Variants in CATSPERE observed in about 807,000 individuals in gnomAD.
The protein encoded by CATSPERE is cation channel sperm-associated auxiliary subunit epsilon.
CATSPERE carries 93 observed loss-of-function variants against 114.1 expected under a neutral mutation model. The observed-to-expected ratio is 0.81, with a 90% CI of 0.69 to 0.97. The LOEUF (loss-of-function observed/expected upper bound fraction) is 0.97. CATSPERE is among the 50% of genes least tolerant of loss of function. The probability of loss-of-function intolerance (pLI) is 0.00; values close to 1 mark genes in which losing one functional copy is unlikely to be tolerated. For synonymous variants in CATSPERE, 341 were observed against 384.1 expected (o/e 0.89, Z 1.31); for missense variants, 1,058 against 1,131.6 (o/e 0.93, Z 0.93).
At chr1:244,546,933 C>CTT (rs35371937) in intron 8 of CATSPERE, among the ~76,000 whole-genome samples, 132,094 of 151,916 alleles carry the variant, frequency 0.87, 58,413 homozygotes, top group East Asian at 1. Context: ...AAATAGGAAA[C>CTT]TTTTGAAACC....
chr1:244,463,796 G>A (rs1446661203), intron 1 of CATSPERE, 112 bp from the exon 2 acceptor site: 3 of 905,404 alleles, frequency 3.3e-6, no homozygotes, highest in Non-Finnish European at 5.4e-6. Flanking sequence ...AAGGGAATGA[G>A]GCAGAAAGGT....
intron 9 of CATSPERE, among the ~76,000 whole-genome samples, chr1:244,559,001 A>G (rs1167432730): frequency 6.6e-6 from 1 of 152,106 alleles, no homozygotes; most frequent in African/African-American, 2.4e-5. Flanking sequence ...ACTACCTTAC[A>G]TTTTGAAGAG....
At chr1:244,616,057 C>T (rs777754216) in intron 19 of CATSPERE, among the ~76,000 whole-genome samples, 7 of 151,804 alleles carry the variant, frequency 4.6e-5, no homozygotes, top group Admixed American at 3.9e-4. Context: ...TCAGCCTGGG[C>T]GATCGAAGCT....
intron 20 of CATSPERE, among the ~76,000 whole-genome samples, chr1:244,632,587 A>G (rs970121436): frequency 1.3e-5 from 2 of 151,962 alleles, no homozygotes; most frequent in East Asian, 1.9e-4. Context: ...ATGGTATACT[A>G]TTTGCCAGAA....
At chr1:244,496,196 G>A (rs1412551332) in intron 6 of CATSPERE, among the ~76,000 whole-genome samples, 1 of 152,102 alleles carries the variant, frequency 6.6e-6, no homozygotes, top group Non-Finnish European at 1.5e-5. Context: ...GATAGTAAAG[G>A]ACACAAAACA....
intron 10 of CATSPERE, among the ~76,000 whole-genome samples, chr1:244,569,265 AC>A (rs1333157648): frequency 6.6e-6 from 1 of 152,208 alleles, no homozygotes; most frequent in Non-Finnish European, 1.5e-5. Context: ...CGTGGGCTGC[AC>A]CCACTGTCTA....
intron 8 of CATSPERE, among the ~76,000 whole-genome samples, chr1:244,545,666 A>T (rs1659638369): frequency 6.6e-6 from 1 of 152,208 alleles, no homozygotes; most frequent in Non-Finnish European, 1.5e-5. Flanking sequence ...ATGCTTGATC[A>T]TGGGCCAACA....
intron 8 of CATSPERE, among the ~76,000 whole-genome samples, chr1:244,535,164 C>T (rs1215822108): frequency 6.6e-6 from 1 of 152,214 alleles, no homozygotes; most frequent in African/African-American, 2.4e-5. Flanking sequence ...GGAGGGGTGA[C>T]ACAGCGCCCC....
intron 1 of CATSPERE, among the ~76,000 whole-genome samples, chr1:244,462,855 G>GA (rs1274536593): frequency 5.9e-5 from 9 of 152,066 alleles, no homozygotes; most frequent in African/African-American, 2.2e-4. Flanking sequence ...TCTACATACA[G>GA]AAAAAAGGCC....
intron 1 of CATSPERE, among the ~76,000 whole-genome samples, chr1:244,462,738 CATT>C (rs1423404396): frequency 6.6e-6 from 1 of 151,840 alleles, no homozygotes; most frequent in African/African-American, 2.4e-5. Context: ...AAATGTGTTT[CATT>C]ATAAAGGTGA....
chr1:244,526,683 C>CT (rs1469405668), intron 8 of CATSPERE, among the ~76,000 whole-genome samples: 5 of 147,060 alleles, frequency 3.4e-5, no homozygotes, highest in African/African-American at 1.3e-4. Flanking sequence ...GGTTCTCACT[C>CT]TGTCACCCAG....
intron 2 of CATSPERE, among the ~76,000 whole-genome samples, chr1:244,475,265 A>T (rs1440870459): frequency 9.8e-5 from 14 of 142,866 alleles, no homozygotes; most frequent in South Asian, 4.4e-4. Flanking sequence ...TTTCTGTCTC[A>T]CTCTGTTGCC....
rs1354699504 is a variant in CATSPERE, at chr1:244,640,130, T to G, written c.*49T>G. ...CAGATATATGCATATAGAGAAACAG[T>G]GTATTACATAGTGATATTGAGAGTG... On this transcript the variant is annotated 3_prime_UTR_variant, in exon 22 of 22. Transcript: ENST00000366534. 1 of 1,399,528 alleles carries G rather than the reference T, an allele frequency of 7.1e-7. No homozygotes were observed. The highest frequency in any genetic ancestry group is 2.1e-5 in the Admixed American group (1 of 48,172). 86.7% of individuals were successfully genotyped at this position (1,399,528 alleles called of 1,614,324 possible).
chr1:244,477,715 C>G (rs1669587070), intron 3 of CATSPERE, 101 bp downstream of exon 3: 1 of 1,028,306 alleles, frequency 9.7e-7, no homozygotes, highest in Admixed American at 2.3e-5. Context: ...TATAAATTTT[C>G]TTTCATTAAG....
At position 244,492,062 on chromosome 1, in the gene CATSPERE, G is replaced by GAA. The variant is rs1427318581; in HGVS notation, c.351+1595_351+1596dup. On this transcript the variant is annotated intron_variant, in intron 6 of 21. Transcript: ENST00000366534. ...CCTTCTGAAACTATTCCAATCAATA[G>GAA]AAAAAGAGGGAATCCTCCCTAACTC... 3.9e-5 allele frequency among the ~76,000 whole-genome samples: 6 copies of GAA among 152,218 alleles called. No individual in the cohort carries two copies. The South Asian group carries it at 1.2e-3, about 32-fold the overall frequency.
chr1:244,620,452 G>C (rs1382810913), intron 20 of CATSPERE, among the ~76,000 whole-genome samples: 2 of 152,162 alleles, frequency 1.3e-5, no homozygotes, highest in African/African-American at 4.8e-5. Context: ...GTCGTGGGGA[G>C]AATCTGCTGT....
intron 11 of CATSPERE, among the ~76,000 whole-genome samples, chr1:244,578,473 A>G (rs1364861941): frequency 1.3e-5 from 2 of 152,076 alleles, no homozygotes; most frequent in Admixed American, 1.3e-4. Flanking sequence ...TTGACTCCCC[A>G]AAAGCTTAAC....
rs912240185 is a variant in CATSPERE, at chr1:244,520,840, T to C, written c.536+2142T>C. 2.6e-5 allele frequency among the ~76,000 whole-genome samples: 4 copies of C among 152,126 alleles called. No individual in the cohort carries two copies. In the East Asian group the frequency reaches 7.7e-4, roughly 29 times the overall value. ...TCAAAATTGACCCAAAAAATACATA[T>C]AGAACTTGAGTAATGTTTTAACTGA... is the stretch of plus-strand genomic sequence containing the variant. On this transcript the variant is annotated intron_variant, in intron 8 of 21. Transcript: ENST00000366534.
At chr1:244,516,724 G>T (rs1429949189) in intron 7 of CATSPERE, among the ~76,000 whole-genome samples, 1 of 151,894 alleles carries the variant, frequency 6.6e-6, no homozygotes, top group Non-Finnish European at 1.5e-5. Context: ...GTTTCACCAT[G>T]TTGGCGAGGC....
Sources: gnomAD v4.1 joint callset for allele counts (sites outside exome capture counted in the v4.1 genomes callset) on GRCh38, gnomAD v4.1.1 for gene constraint, MANE v1.5 for transcripts, NCBI Gene and HGNC (gene_info 2026-07-23, HGNC 2026-07-21) for gene names.